Variants in SKP2 observed in about 807,000 individuals in gnomAD.
SKP2 encodes the protein S-phase kinase associated protein 2.
Under a neutral mutation model 51.8 loss-of-function variants are expected in SKP2, and 16 were observed. That is an observed-to-expected ratio of 0.31 (90% CI 0.21 to 0.47). The LOEUF (loss-of-function observed/expected upper bound fraction) is 0.47, where lower values mean the gene tolerates loss of function less well. Ranked by LOEUF, SKP2 falls within the 20% of genes least tolerant of loss-of-function variation. The probability of loss-of-function intolerance (pLI) is 1.00; values close to 1 mark genes in which losing one functional copy is unlikely to be tolerated. For synonymous variants in SKP2, 176 were observed against 198.6 expected (o/e 0.89, Z 0.96); for missense variants, 377 against 505.3 (o/e 0.75, Z 2.43).
intron 2 of SKP2, among the ~76,000 whole-genome samples, chr5:36,154,311 A>G (rs1490948187): frequency 6.6e-6 from 1 of 152,104 alleles, no homozygotes; most frequent in Non-Finnish European, 1.5e-5. Context: ...CAGAAGGAAC[A>G]GCCACTGCAA....
chr5:36,168,359 G>C lies in SKP2; in HGVS notation c.583G>C (p.Val195Leu). Residue 195 changes from valine (V) to leucine (L), a missense_variant, in exon 5 of 10, where the codon GTG (valine) becomes CTG (leucine). By Grantham distance (32) the Val-to-Leu change is conservative. Transcript: ENST00000274255. ...HMDLSNSVIEVSTLHGILSQC... is the reference protein window; with the variant it reads ...HMDLSNSVIELSTLHGILSQC... ...GGACCTATCGAACTCAGTTATAGAA[G>C]TGTCCACCCTCCACGGCATACTGTC... The C allele has an allele frequency of 6.2e-7, 1 of 1,614,100 alleles. No homozygotes were observed. Among genetic ancestry groups the C allele is most frequent in the Admixed American group, 1.7e-5 (1 of 60,032 alleles).
chr5:36,166,649 G>A lies in SKP2; in HGVS notation c.523G>A (p.Ala175Thr). ...ACGATCATTTATGGACCAACCATTG[G>A]CTGAACATTTCAGGTAAAGATGAAA... ...CPRSFMDQPL[A>T]EHFSPFRVQH... The change falls in exon 4 of 10, where the codon GCT becomes ACT. Residue 175 changes from alanine (A) to threonine (T), a missense_variant. By Grantham distance (58) the Ala-to-Thr change is moderately conservative. Transcript: ENST00000274255. The A allele has an allele frequency of 6.2e-7, 1 of 1,613,868 alleles. No individual in the cohort carries two copies. The highest frequency in any genetic ancestry group is 1.1e-5 in the South Asian group (1 of 91,074).
intron 5 of SKP2, among the ~76,000 whole-genome samples, chr5:36,168,956 G>A (rs1745381193): frequency 6.6e-6 from 1 of 152,204 alleles, no homozygotes; most frequent in African/African-American, 2.4e-5. Flanking sequence ...ATCTAGGTAG[G>A]AGATCTCTAG....
intron 7 of SKP2, chr5:36,193,043 A>AT (rs1479889863): frequency 6.6e-6 from 1 of 152,220 alleles, no homozygotes; most frequent in Non-Finnish European, 1.5e-5. Flanking sequence ...ATGGAGCACA[A>AT]TAAGTATTTT....
At chr5:36,171,883 C>T in intron 7 of SKP2, 150 bp downstream of exon 7, 1 of 745,986 alleles carries the variant, frequency 1.3e-6, no homozygotes, top group Admixed American at 2.8e-5. Flanking sequence ...AGCTGCTAAT[C>T]AGAATGGTTA....
intron 2 of SKP2, among the ~76,000 whole-genome samples, chr5:36,157,183 T>TA (rs1259198800): frequency 6.6e-6 from 1 of 152,148 alleles, no homozygotes; most frequent in Non-Finnish European, 1.5e-5. Flanking sequence ...CTTTGTTCCA[T>TA]AGCTTCCTTT....
intron 2 of SKP2, among the ~76,000 whole-genome samples, chr5:36,161,571 A>G (rs1204010754): frequency 7.9e-5 from 12 of 152,352 alleles, no homozygotes; most frequent in Non-Finnish European, 1.3e-4. Context: ...TAACAAACCT[A>G]GGAAAACTAG....
At chr5:36,163,587 C>A in intron 2 of SKP2, 58 bp from the exon 3 acceptor site, 1 of 1,024,912 alleles carries the variant, frequency 9.8e-7, no homozygotes, top group Non-Finnish European at 1.6e-6. Context: ...TGAAAAGACT[C>A]AGTAGACTTG....
In SKP2 at chr5:36,181,992, C is replaced by T; in HGVS notation, c.1236C>T (p.Ile412=). 1 of 1,614,138 alleles carries T rather than the reference C, an allele frequency of 6.2e-7. No homozygotes were observed. The highest frequency in any genetic ancestry group is 1.1e-5 in the South Asian group (1 of 91,078). The stretch of plus-strand genomic sequence containing the variant: ...AAAAGAACCAGGAGATATGGGGCAT[C>T]AAATGCCGACTGACACTGCAAAAGC... ...GNKKNQEIWG[I]KCRLTLQKPS... The change falls in exon 10 of 10, where the codon ATC becomes ATT. Residue 412 remains isoleucine (I), a synonymous_variant. Coordinates refer to ENST00000274255, the MANE Select transcript of SKP2 (RefSeq NM_005983.4).
chr5:36,172,902 C>T (rs1186583609), intron 7 of SKP2, among the ~76,000 whole-genome samples: 1 of 152,040 alleles, frequency 6.6e-6, no homozygotes, highest in Non-Finnish European at 1.5e-5. Context: ...ATACCACTCT[C>T]CCCACCCAGT....
chr5:36,163,809 G>T (rs918147460), intron 3 of SKP2, 53 bp downstream of exon 3: 1 of 1,220,790 alleles, frequency 8.2e-7, no homozygotes, highest in Non-Finnish European at 1.2e-6. Context: ...GGAGAGGAAG[G>T]TTATTTATTC....
intron 6 of SKP2, among the ~76,000 whole-genome samples, 193 bp downstream of exon 6, chr5:36,170,635 A>C (rs76798722): frequency 0.19 from 28,194 of 152,142 alleles, 5,674 homozygotes; most frequent in African/African-American, 0.5. Context: ...TTTGCAAGTG[A>C]TACTTGTATA....
chr5:36,169,449 A>G (rs1745399054), intron 5 of SKP2, among the ~76,000 whole-genome samples: 1 of 151,508 alleles, frequency 6.6e-6, no homozygotes. Context: ...CCATCTGAAA[A>G]AAAAATAAAA....
chr5:36,159,891 AG>A (rs1745071105), intron 2 of SKP2, among the ~76,000 whole-genome samples: 1 of 152,238 alleles, frequency 6.6e-6, no homozygotes, highest in Admixed American at 6.5e-5. Context: ...CATACCATGC[AG>A]ACCTTGTCCA....
At chr5:36,156,183 A>G (rs890940153) in intron 2 of SKP2, among the ~76,000 whole-genome samples, 10 of 152,172 alleles carry the variant, frequency 6.6e-5, no homozygotes, top group Non-Finnish European at 1.0e-4. Flanking sequence ...ATTGGTGTGG[A>G]GTGGGGAAGG....
intron 3 of SKP2, among the ~76,000 whole-genome samples, chr5:36,165,042 T>C (rs1745243695): frequency 6.6e-6 from 1 of 152,252 alleles, no homozygotes; most frequent in South Asian, 2.1e-4. Flanking sequence ...TTGTATTCTT[T>C]GACCTACATC....
At chr5:36,172,969 T>A (rs1198829002) in intron 7 of SKP2, among the ~76,000 whole-genome samples, 2 of 151,942 alleles carry the variant, frequency 1.3e-5, no homozygotes, top group Non-Finnish European at 2.9e-5. Context: ...TTAAAAAAAA[T>A]GTAAAATACA....
In SKP2 at chr5:36,183,774, A is replaced by G. The variant is rs1579580782; in HGVS notation, c.*1743A>G. 1.8e-5 allele frequency: 26 copies of G among 1,476,124 alleles called. No homozygotes were observed. In the East Asian group the frequency reaches 5.8e-4, roughly 33 times the overall value. The allele number at this position is 1,476,124 out of a possible 1,614,324, so 91.4% of individuals were successfully genotyped here. On this transcript the variant is annotated 3_prime_UTR_variant, in exon 10 of 10. Coordinates refer to ENST00000274255, the MANE Select transcript of SKP2 (RefSeq NM_005983.4). ...ATTTTAAAGTTGGGTTGCACAGGAA[A>G]TGATGATGCTTCAATTTCTTAATAG...
In SKP2 at chr5:36,152,501, A is replaced by G. The variant is rs147478763; in HGVS notation, c.8+231A>G. Among the ~76,000 whole-genome samples, 19 of 152,254 alleles carry G rather than the reference A, an allele frequency of 1.2e-4. No homozygotes were observed. The East Asian group carries it at 2.5e-3, about 20-fold the overall frequency. ...TTCTGCCACCGTTTTCAATCAGTGT[A>G]TGATTGCCCTGTCTCTCTCCTTGTC... On this transcript the variant is annotated intron_variant, in intron 1 of 9. Transcript: ENST00000274255.
Sources: gnomAD v4.1 joint callset for allele counts (sites outside exome capture counted in the v4.1 genomes callset) on GRCh38, gnomAD v4.1.1 for gene constraint, MANE v1.5 for transcripts, NCBI Gene and HGNC (gene_info 2026-07-23, HGNC 2026-07-21) for gene names.